MYL12B: variants seen among roughly 807,000 people sequenced by gnomAD.
MYL12B encodes myosin light chain 12B.
In MYL12B, 3 loss-of-function variants were observed where a neutral mutation model predicts 12.9. That is an observed-to-expected ratio of 0.23 (90% CI 0.11 to 0.60). The LOEUF (loss-of-function observed/expected upper bound fraction) is 0.60. Ranked by LOEUF, MYL12B falls within the 20% of genes least tolerant of loss-of-function variation. The probability of loss-of-function intolerance (pLI) is 0.89; values close to 1 mark genes in which losing one functional copy is unlikely to be tolerated. For missense variants in MYL12B, 120 were observed against 215.4 expected, an observed-to-expected ratio of 0.56 and a Z score of 2.77; for synonymous variants, 57 against 71.9, an observed-to-expected ratio of 0.79 and a Z score of 1.05.
At position 3,268,739 on chromosome 18, in the gene MYL12B, T is replaced by A. The variant is rs78768160; in HGVS notation, c.-15-4145T>A. On this transcript the variant is annotated intron_variant, in intron 1 of 3. Coordinates refer to ENST00000237500, the MANE Select transcript of MYL12B (RefSeq NM_033546.4). ...TGAACTCAAAATAATTAGAAGAGTA[T>A]TTAGTAGGAAGTAGAAAATATACAA... 9.6e-3 allele frequency among the ~76,000 whole-genome samples: 1,463 copies of A among 152,258 alleles called. 29 individuals carry two copies. Among genetic ancestry groups the A allele is most frequent in the African/African-American group, 0.034 (1,412 of 41,548 alleles).
rs369161674 is a variant in MYL12B at position 3,273,066 on chromosome 18, T to C, written c.168T>C (p.Asp56=). ...DGFIDKEDLH[D]MLASLGKNPT... The stretch of plus-strand genomic sequence containing the variant: ...TCATCGACAAGGAAGATTTGCATGA[T>C]ATGCTTGCTTCTCTAGGTAGACTTT... The change falls in exon 2 of 4, where the codon GAT becomes GAC. Residue 56 remains aspartate, a synonymous_variant. Coordinates refer to ENST00000237500, the MANE Select transcript of MYL12B (RefSeq NM_033546.4). 18 of 1,604,600 alleles carry C rather than the reference T, an allele frequency of 1.1e-5. No individual in the cohort carries two copies. The highest frequency in any genetic ancestry group is 1.5e-5 in the Non-Finnish European group (18 of 1,175,270).
intron 1 of MYL12B, among the ~76,000 whole-genome samples, chr18:3,265,763 C>T (rs989689284): frequency 2.0e-5 from 3 of 152,104 alleles, no homozygotes; most frequent in African/African-American, 7.2e-5. Flanking sequence ...GAATAACTAG[C>T]AAATCAGGAA....
intron 1 of MYL12B, among the ~76,000 whole-genome samples, chr18:3,268,383 T>C (rs944274362): frequency 2.0e-5 from 3 of 149,684 alleles, no homozygotes; most frequent in African/African-American, 7.7e-5. Context: ...ATTAGTTTTT[T>C]GTGTTTTTGT....
At chr18:3,268,259 T>C (rs1166929997) in intron 1 of MYL12B, among the ~76,000 whole-genome samples, 1 of 152,234 alleles carries the variant, frequency 6.6e-6, no homozygotes, top group Non-Finnish European at 1.5e-5. Context: ...TTTATAGCAA[T>C]ATCAGAGTAA....
At chr18:3,264,722 G>A (rs906138376) in intron 1 of MYL12B, among the ~76,000 whole-genome samples, 1 of 152,118 alleles carries the variant, frequency 6.6e-6, no homozygotes, top group Non-Finnish European at 1.5e-5. Flanking sequence ...AATGAAAGAA[G>A]ACAGGCATAT....
intron 1 of MYL12B, among the ~76,000 whole-genome samples, chr18:3,267,662 CATA>C (rs2081644116): frequency 6.6e-6 from 1 of 152,148 alleles, no homozygotes; most frequent in African/African-American, 2.4e-5. Context: ...ATCTCATTCA[CATA>C]ATTTTTATTA....
At chr18:3,274,559 T>G (rs959471592) in intron 2 of MYL12B, among the ~76,000 whole-genome samples, 1 of 152,128 alleles carries the variant, frequency 6.6e-6, no homozygotes, top group African/African-American at 2.4e-5. Flanking sequence ...GTACAGGAAT[T>G]GGAAGTGAGG....
chr18:3,262,752 C>T (rs937009634), intron 1 of MYL12B: 4 of 152,446 alleles, frequency 2.6e-5, no homozygotes, highest in Middle Eastern at 3.1e-3. Flanking sequence ...ACGGTCTTGC[C>T]TAAGGTGAAG....
intron 1 of MYL12B, among the ~76,000 whole-genome samples, chr18:3,271,283 A>G (rs978717620): frequency 2.0e-5 from 3 of 152,216 alleles, no homozygotes; most frequent in Admixed American, 2.0e-4. Context: ...GAAAATTAAC[A>G]TTTATTTAGG....
At chr18:3,263,904 C>G (rs2081616244) in intron 1 of MYL12B, among the ~76,000 whole-genome samples, 1 of 152,218 alleles carries the variant, frequency 6.6e-6, no homozygotes. Flanking sequence ...CTGCCATTTT[C>G]TAGCTGTGTG....
intron 2 of MYL12B, among the ~76,000 whole-genome samples, chr18:3,275,497 G>A (rs1348331184): frequency 6.6e-6 from 1 of 152,090 alleles, no homozygotes; most frequent in East Asian, 1.9e-4. Context: ...ATGCTTGAAG[G>A]GATGGCTATG....
chr18:3,276,895 G>T, intron 2 of MYL12B: 20 of 957,984 alleles, frequency 2.1e-5, no homozygotes, highest in Non-Finnish European at 2.5e-5. Flanking sequence ...AATTAGCAGG[G>T]CATGGTGGCA....
chr18:3,262,461 G>A (rs2081600458), intron 1 of MYL12B: 1 of 152,214 alleles, frequency 6.6e-6, no homozygotes, highest in Admixed American at 6.5e-5. Context: ...GGACGTCCAG[G>A]GGCCGGGAGG....
At chr18:3,266,802 C>T (rs530748638) in intron 1 of MYL12B, among the ~76,000 whole-genome samples, 1 of 152,146 alleles carries the variant, frequency 6.6e-6, no homozygotes, top group Non-Finnish European at 1.5e-5. Flanking sequence ...CTGGGGATTA[C>T]TAAATGAACC....
intron 1 of MYL12B, chr18:3,263,038 C>G (rs547354520): frequency 6.6e-6 from 1 of 152,366 alleles, no homozygotes; most frequent in East Asian, 1.9e-4. Context: ...GAGCAAAACT[C>G]AAAAGCTGGG....
At chr18:3,273,501 CAGTGAAGA>C (rs1401051960) in intron 2 of MYL12B, among the ~76,000 whole-genome samples, 1 of 151,612 alleles carries the variant, frequency 6.6e-6, no homozygotes, top group East Asian at 1.9e-4. Flanking sequence ...AAAGGGAACA[CAGTGAAGA>C]AGACTTTCAC....
intron 2 of MYL12B, among the ~76,000 whole-genome samples, chr18:3,275,425 T>G (rs1035103027): frequency 8.5e-5 from 13 of 152,120 alleles, no homozygotes; most frequent in African/African-American, 2.9e-4. Flanking sequence ...CAGCAGTAAT[T>G]TGTTGTACAT....
At chr18:3,277,049 G>A (rs1030216827) in intron 2 of MYL12B, 1 of 959,232 alleles carries the variant, frequency 1.0e-6, no homozygotes, top group Admixed American at 6.2e-5. Context: ...TTCAATATAA[G>A]CCTGGAATAC....
intron 1 of MYL12B, among the ~76,000 whole-genome samples, chr18:3,264,057 C>T (rs547463790): frequency 1.3e-5 from 2 of 152,272 alleles, no homozygotes; most frequent in East Asian, 3.9e-4. Flanking sequence ...ATCTTTAGCA[C>T]CCAGTTGTCC....
Sources: allele counts gnomAD v4.1 joint callset (sites outside exome capture counted in the v4.1 genomes callset), GRCh38; gene constraint gnomAD v4.1.1; transcripts MANE v1.5; gene names NCBI Gene and HGNC (gene_info 2026-07-23, HGNC 2026-07-21).